Variants in PLCL2 observed in about 807,000 individuals in gnomAD.
PLCL2 encodes the protein phospholipase C like 2, also known as inactive phospholipase C-like protein 2.
In PLCL2, 4 loss-of-function variants were observed where a neutral mutation model predicts 79.6. The observed-to-expected ratio is 0.05, with a 90% CI of 0.02 to 0.11. PLCL2 has a LOEUF of 0.11. Ranked by LOEUF, PLCL2 falls within the 10% of genes least tolerant of loss-of-function variation. The pLI is 1.00. For missense variants in PLCL2, 895 were observed against 1,291.0 expected (o/e 0.69, Z 4.70); for synonymous variants, 484 against 457.7 (o/e 1.06, Z -0.73).
intron 1 of PLCL2, among the ~76,000 whole-genome samples, chr3:16,994,673 T>A (rs1315860064): frequency 6.6e-6 from 1 of 152,232 alleles, no homozygotes; most frequent in African/African-American, 2.4e-5. Flanking sequence ...TACTTGGTGT[T>A]TGAAATGGTG....
chr3:17,035,177 G>A (rs971785232), intron 3 of PLCL2, among the ~76,000 whole-genome samples: 5 of 152,092 alleles, frequency 3.3e-5, no homozygotes, highest in East Asian at 1.9e-4. Context: ...GGTTGTACTC[G>A]AGGTTCTTAG....
intron 1 of PLCL2, among the ~76,000 whole-genome samples, chr3:17,008,534 A>G (rs1272815625): frequency 6.6e-6 from 1 of 152,070 alleles, no homozygotes; most frequent in Non-Finnish European, 1.5e-5. Flanking sequence ...CACCAGCCCC[A>G]GGGAGCTGGT....
intron 1 of PLCL2, among the ~76,000 whole-genome samples, chr3:16,921,011 AT>A (rs1697113378): frequency 6.6e-6 from 1 of 152,152 alleles, no homozygotes; most frequent in African/African-American, 2.4e-5. Context: ...GATTAAGGCC[AT>A]TTTTTGAAAA....
chr3:17,021,807 TGATGTCCTCA>T (rs2064458160), intron 3 of PLCL2, among the ~76,000 whole-genome samples: 1 of 152,188 alleles, frequency 6.6e-6, no homozygotes, highest in South Asian at 2.1e-4. Flanking sequence ...TGTTGTCAGA[TGATGTCCTCA>T]GACAAGAAAT....
chr3:17,049,643 G>A (rs1394898685), intron 4 of PLCL2, among the ~76,000 whole-genome samples: 1 of 151,992 alleles, frequency 6.6e-6, no homozygotes, highest in East Asian at 1.9e-4. Flanking sequence ...CTCTATTAAT[G>A]AAAACTATAA....
chr3:17,005,796 G>A (rs76083417), intron 1 of PLCL2, among the ~76,000 whole-genome samples: 4,331 of 152,184 alleles, frequency 0.028, 226 homozygotes, highest in African/African-American at 0.1. Context: ...TTTGGAAGCC[G>A]GTTTTCTTGC....
chr3:16,994,529 G>A (rs1575576450), intron 1 of PLCL2, among the ~76,000 whole-genome samples: 1 of 152,178 alleles, frequency 6.6e-6, no homozygotes, highest in Non-Finnish European at 1.5e-5. Flanking sequence ...AAGTAGAAAA[G>A]CAGTGGATTT....
chr3:16,890,168 G>A (rs933097197), intron 1 of PLCL2, among the ~76,000 whole-genome samples: 1 of 152,212 alleles, frequency 6.6e-6, no homozygotes, highest in African/African-American at 2.4e-5. Context: ...CAAAAGCAGA[G>A]TATATTAATT....
intron 1 of PLCL2, among the ~76,000 whole-genome samples, chr3:16,960,553 T>C (rs543107052): frequency 5.1e-4 from 74 of 144,450 alleles, no homozygotes; most frequent in Admixed American, 3.4e-3. Context: ...GTAAGCTGCA[T>C]TCTTTCTTTT....
intron 5 of PLCL2, among the ~76,000 whole-genome samples, chr3:17,079,303 C>T (rs2065139410): frequency 6.6e-6 from 1 of 152,248 alleles, no homozygotes; most frequent in Non-Finnish European, 1.5e-5. Flanking sequence ...GTGCTTAGGT[C>T]ATGGCTCACC....
At chr3:17,066,908 G>A (rs2065016058) in intron 4 of PLCL2, among the ~76,000 whole-genome samples, 1 of 152,062 alleles carries the variant, frequency 6.6e-6, no homozygotes, top group Admixed American at 6.6e-5. Flanking sequence ...ACATATAAGG[G>A]GAAGAAGGAT....
chr3:17,005,754 C>G (rs528271688), intron 1 of PLCL2, among the ~76,000 whole-genome samples: 2 of 152,068 alleles, frequency 1.3e-5, no homozygotes, highest in South Asian at 4.1e-4. Flanking sequence ...TCAAGAAATG[C>G]AAAATTTCAG....
intron 5 of PLCL2, among the ~76,000 whole-genome samples, chr3:17,069,470 A>G (rs1423834958): frequency 1.3e-5 from 2 of 152,102 alleles, no homozygotes; most frequent in East Asian, 1.9e-4. Flanking sequence ...AGATCAGGGT[A>G]CTTGAACAGC....
At chr3:16,888,942 A>G (rs1224430106) in intron 1 of PLCL2, among the ~76,000 whole-genome samples, 6 of 152,222 alleles carry the variant, frequency 3.9e-5, no homozygotes, top group African/African-American at 1.4e-4. Flanking sequence ...ACATTCAGTC[A>G]TTTAATCACC....
intron 1 of PLCL2, among the ~76,000 whole-genome samples, chr3:16,944,313 A>C (rs1203248807): frequency 6.6e-6 from 1 of 152,160 alleles, no homozygotes; most frequent in Non-Finnish European, 1.5e-5. Flanking sequence ...CCAGAAGCCT[A>C]CCCATTTTTC....
chr3:17,003,535 AT>A (rs2125003745), intron 1 of PLCL2, among the ~76,000 whole-genome samples: 1 of 152,216 alleles, frequency 6.6e-6, no homozygotes, highest in South Asian at 2.1e-4. Flanking sequence ...GACTGCTTGC[AT>A]TTTGGTGCTA....
chr3:16,910,195 G>A (rs75929553), intron 1 of PLCL2, among the ~76,000 whole-genome samples: 83 of 152,096 alleles, frequency 5.5e-4, no homozygotes, highest in Non-Finnish European at 1.1e-3. Context: ...CAATTTCTTT[G>A]CCCCCTTTGC....
intron 1 of PLCL2, among the ~76,000 whole-genome samples, chr3:16,981,904 T>C (rs1394909980): frequency 1.3e-5 from 2 of 152,246 alleles, no homozygotes; most frequent in African/African-American, 4.8e-5. Flanking sequence ...TATGGTGATA[T>C]CTTATCCCAA....
chr3:17,089,852 G>A lies in PLCL2; in HGVS notation c.3324G>A (p.Gln1108=), dbSNP rs1351107198. The change falls in exon 6 of 6, where the codon CAG becomes CAA. Residue 1108 remains glutamine (Q), a synonymous_variant. Coordinates refer to ENST00000615277, the MANE Select transcript of PLCL2 (RefSeq NM_001144382.2). ...NKPGTENADV[Q]KPRRSLEVIP... The stretch of plus-strand genomic sequence containing the variant: ...CAGGCACCGAAAATGCTGATGTCCA[G>A]AAGCCACGCCGGAGCTTGGAAGTCA... 1 of 1,614,090 alleles carries A rather than the reference G, an allele frequency of 6.2e-7. No homozygotes were observed. The highest frequency in any genetic ancestry group is 8.5e-7 in the Non-Finnish European group (1 of 1,179,992).
Sources: allele counts gnomAD v4.1 joint callset (sites outside exome capture counted in the v4.1 genomes callset), GRCh38; gene constraint gnomAD v4.1.1; transcripts MANE v1.5; gene names NCBI Gene and HGNC (gene_info 2026-07-23, HGNC 2026-07-21).